CCDC15: variants seen among roughly 807,000 people sequenced by gnomAD.
The protein encoded by CCDC15 is coiled-coil domain containing 15, also known as coiled-coil domain-containing protein 15.
A neutral mutation model predicts 114.5 loss-of-function variants in CCDC15; 105 were observed. The observed-to-expected ratio is 0.92, with a 90% CI of 0.78 to 1.08. The LOEUF is 1.08. Ranked by LOEUF, CCDC15 falls within the 50% of genes least tolerant of loss-of-function variation. CCDC15 has a pLI of 0.00. For missense variants in CCDC15, 1,105 were observed against 1,093.6 expected (o/e 1.01, Z -0.15); for synonymous variants, 334 against 377.8 (o/e 0.88, Z 1.34).
At chr11:125,002,843 CTT>C (rs1948500540) in intron 11 of CCDC15, among the ~76,000 whole-genome samples, 1 of 152,140 alleles carries the variant, frequency 6.6e-6, no homozygotes, top group Admixed American at 6.5e-5. Context: ...AGTCCCCTAA[CTT>C]TGTTCTTTTT....
intron 2 of CCDC15, among the ~76,000 whole-genome samples, chr11:124,958,753 A>C (rs1947600430): frequency 1.3e-5 from 2 of 152,148 alleles, no homozygotes; most frequent in African/African-American, 2.4e-5. Flanking sequence ...CTAGGTGGAG[A>C]TGAAAGGAAG....
At position 124,963,192 on chromosome 11, in the gene CCDC15, T is replaced by C. The variant is rs574962675; in HGVS notation, c.516+3189T>C. Among the ~76,000 whole-genome samples the C allele has an allele frequency of 7.2e-5, 11 of 152,318 alleles. 1 individual carries two copies. Among genetic ancestry groups the C allele is most frequent in the African/African-American group, 2.6e-4 (11 of 41,564 alleles). The stretch of plus-strand genomic sequence containing the variant: ...TGGCTGGGTCAAATGGTATTTCTAG[T>C]TCTAGATCCTTGAGGAATCGCCACA... On this transcript the variant is annotated intron_variant, in intron 4 of 15. Transcript: ENST00000344762.
chr11:124,959,635 G>A (rs1040966436), intron 3 of CCDC15, among the ~76,000 whole-genome samples, 180 bp from the exon 4 acceptor site: 2 of 152,136 alleles, frequency 1.3e-5, no homozygotes, highest in African/African-American at 4.8e-5. Flanking sequence ...AGAGTTAGAT[G>A]AGATAACCTA....
intron 11 of CCDC15, among the ~76,000 whole-genome samples, chr11:124,999,724 A>T (rs1948440174): frequency 6.6e-6 from 1 of 151,932 alleles, no homozygotes; most frequent in South Asian, 2.1e-4. Context: ...CACTGCTTTA[A>T]AAGTTTTGTC....
chr11:124,993,176 A>G lies in CCDC15; in HGVS notation c.2147A>G (p.His716Arg). 3 of 1,600,624 alleles carry G rather than the reference A, an allele frequency of 1.9e-6. No individual in the cohort carries two copies. Among genetic ancestry groups the G allele is most frequent in the Non-Finnish European group, 1.7e-6 (2 of 1,170,082 alleles). ...DQDSPREQNK[H>R]IKLPSSFEKW... ...ATTTTGTTGTTCCTTTAGAACAAGC[A>G]TATCAAACTACCCTCATCTTTTGAG... Residue 716 changes from histidine to arginine, a missense_variant, in exon 11 of 16, where the codon CAT (histidine) becomes CGT (arginine). Transcript: ENST00000344762.
At position 124,975,080 on chromosome 11, in the gene CCDC15, C is replaced by T; in HGVS notation, c.517-16C>T. ...TATCCTGCTTTTGTTTGCTTTCTTC[C>T]CCCTTTCCCTGGCAGCTTAGTGAAA... On this transcript the variant is annotated splice_polypyrimidine_tract_variant and intron_variant, in intron 4 of 15. Transcript: ENST00000344762. The T allele has an allele frequency of 6.6e-7, 1 of 1,507,638 alleles. No homozygotes were observed. The highest frequency in any genetic ancestry group is 9.0e-7 in the Non-Finnish European group (1 of 1,111,888). The allele number at this position is 1,507,638 out of a possible 1,614,324, so 93.4% of individuals were successfully genotyped here. A position where few individuals can be genotyped will look rare whatever the true frequency, so the allele number is the denominator to read the frequency against.
intron 13 of CCDC15, among the ~76,000 whole-genome samples, chr11:125,033,821 C>A (rs575364880): frequency 2.6e-5 from 4 of 152,200 alleles, no homozygotes; most frequent in African/African-American, 7.2e-5. Context: ...AGGCCCAAAT[C>A]GACAAATTCA....
In CCDC15 at chr11:124,986,802, G is replaced by T; in HGVS notation, c.814G>T (p.Gly272Trp). 6.4e-7 allele frequency: 1 copy of T among 1,553,204 alleles called. No individual in the cohort carries two copies. ...TTCATCTCTTGTAACTGATGAGAAA[G>T]GGAAAGAAGATTTGTTTGGGAGAGG... ...ESSSLVTDEK[G>W]KEDLFGRGQQ... Residue 272 changes from glycine to tryptophan, a missense_variant, in exon 7 of 16, where the codon GGG becomes TGG. Coordinates refer to ENST00000344762, the MANE Select transcript of CCDC15 (RefSeq NM_025004.3).
intron 15 of CCDC15, among the ~76,000 whole-genome samples, chr11:125,040,086 C>T (rs1212926558): frequency 4.0e-5 from 6 of 151,814 alleles, no homozygotes; most frequent in Non-Finnish European, 1.5e-5. Context: ...CACTCTGTCG[C>T]CCAGGCCAGA....
intron 11 of CCDC15, among the ~76,000 whole-genome samples, chr11:124,994,602 C>T (rs573720909): frequency 6.6e-6 from 1 of 152,148 alleles, no homozygotes; most frequent in East Asian, 1.9e-4. Context: ...TGAGGATCTT[C>T]CACCCCATGG....
intron 4 of CCDC15, among the ~76,000 whole-genome samples, chr11:124,963,711 C>G (rs1444047120): frequency 6.6e-6 from 1 of 152,120 alleles, no homozygotes; most frequent in East Asian, 1.9e-4. Context: ...TCATGAAGTC[C>G]TTGCCCATGC....
intron 13 of CCDC15, among the ~76,000 whole-genome samples, chr11:125,032,020 C>T (rs1275276284): frequency 1.3e-5 from 2 of 152,218 alleles, no homozygotes; most frequent in African/African-American, 4.8e-5. Context: ...GACCCCTAGA[C>T]ATTTTACTGA....
chr11:124,986,700 T>TGTGTGTGTGTGTGTGTGTGCGCGCGC (rs878887902), intron 6 of CCDC15, 42 bp from the exon 7 acceptor site: 1 of 1,298,020 alleles, frequency 7.7e-7, no homozygotes, highest in African/African-American at 1.7e-5. Flanking sequence ...TTTGTGTGTG[T>TGTGTGTGTGTGTGTGTGTGCGCGCGC]GCGCGCGCGC....
chr11:124,977,290 A>G (rs1444442648), intron 5 of CCDC15, among the ~76,000 whole-genome samples, 188 bp from the exon 6 acceptor site: 1 of 152,142 alleles, frequency 6.6e-6, no homozygotes, highest in African/African-American at 2.4e-5. Context: ...GTTTTATTCC[A>G]TATGGTTTTA....
intron 9 of CCDC15, among the ~76,000 whole-genome samples, chr11:124,991,856 GT>G (rs1354193875): frequency 6.6e-6 from 1 of 152,074 alleles, no homozygotes; most frequent in African/African-American, 2.4e-5. Context: ...GCTAATTTTT[GT>G]TTTTTTAGTA....
At chr11:125,010,264 T>G (rs1347987636) in intron 13 of CCDC15, among the ~76,000 whole-genome samples, 3 of 152,190 alleles carry the variant, frequency 2.0e-5, no homozygotes, top group Non-Finnish European at 2.9e-5. Flanking sequence ...CTCTGATGAT[T>G]AGTGATGTGG....
chr11:124,971,806 T>G (rs889762291), intron 4 of CCDC15, among the ~76,000 whole-genome samples: 3 of 152,200 alleles, frequency 2.0e-5, no homozygotes, highest in Non-Finnish European at 4.4e-5. Context: ...TCTTTTGGTG[T>G]TAATATTCAT....
At chr11:125,015,416 C>G (rs1192057401) in intron 13 of CCDC15, among the ~76,000 whole-genome samples, 3 of 152,040 alleles carry the variant, frequency 2.0e-5, no homozygotes, top group Non-Finnish European at 2.9e-5. Context: ...TACTACAGAG[C>G]CTACAGACAT....
At chr11:125,000,542 C>T (rs1948462630) in intron 11 of CCDC15, among the ~76,000 whole-genome samples, 1 of 152,000 alleles carries the variant, frequency 6.6e-6, no homozygotes, top group African/African-American at 2.4e-5. Flanking sequence ...GAGAGAGAGC[C>T]CATAGTGTGC....
Sources: gnomAD v4.1 joint callset for allele counts (sites outside exome capture counted in the v4.1 genomes callset) on GRCh38, gnomAD v4.1.1 for gene constraint, MANE v1.5 for transcripts, NCBI Gene and HGNC (gene_info 2026-07-23, HGNC 2026-07-21) for gene names.